The following CACNA2D3 variants were observed in gnomAD, a reference collection of about 807,000 sequenced individuals.
CACNA2D3 encodes calcium voltage-gated channel auxiliary subunit alpha2delta 3, also known as voltage-dependent calcium channel subunit alpha-2/delta-3.
Under a neutral mutation model 160.6 loss-of-function variants are expected in CACNA2D3, and 60 were observed. That is an observed-to-expected ratio of 0.37 (90% CI 0.30 to 0.46). The LOEUF is 0.46. Among genes scored for constraint, CACNA2D3 ranks in the 20% least tolerant of loss-of-function variants. CACNA2D3 has a pLI of 1.00. For missense variants in CACNA2D3, 1,205 were observed against 1,365.0 expected (o/e 0.88, Z 1.85); for synonymous variants, 558 against 492.9 (o/e 1.13, Z -1.75).
At position 54,271,055 on chromosome 3, in the gene CACNA2D3, A is replaced by G. The variant is rs189295563; in HGVS notation, c.205-49387A>G. On this transcript the variant is annotated intron_variant, in intron 2 of 37. Coordinates refer to ENST00000474759, the MANE Select transcript of CACNA2D3 (RefSeq NM_018398.3). ...CATCTCATTTGCATTTTTAGAAGGA[A>G]TTATTTCTAAGTGACAGCTGGTGGT... Among the ~76,000 whole-genome samples the G allele has an allele frequency of 9.8e-5, 15 of 152,292 alleles. 1 individual carries two copies. The highest frequency in any genetic ancestry group is 3.1e-4 in the African/African-American group (13 of 41,570).
intron 5 of CACNA2D3, among the ~76,000 whole-genome samples, chr3:54,530,642 T>C (rs536576502): frequency 2.0e-5 from 3 of 152,322 alleles, no homozygotes; most frequent in African/African-American, 7.2e-5. Context: ...TTAAATATAT[T>C]ATCTCCTTCA....
intron 2 of CACNA2D3, among the ~76,000 whole-genome samples, chr3:54,168,936 G>A (rs928933189): frequency 2.0e-5 from 3 of 152,210 alleles, no homozygotes; most frequent in African/African-American, 2.4e-5. Flanking sequence ...GCACTGGCCT[G>A]AAATTCCCTT....
At chr3:54,645,381 G>C (rs918942497) in intron 11 of CACNA2D3, among the ~76,000 whole-genome samples, 2 of 152,182 alleles carry the variant, frequency 1.3e-5, no homozygotes, top group South Asian at 2.1e-4. Flanking sequence ...AAACCATATC[G>C]TTATTCTATA....
chr3:54,409,470 A>G (rs1699630532), intron 4 of CACNA2D3, among the ~76,000 whole-genome samples: 1 of 152,154 alleles, frequency 6.6e-6, no homozygotes, highest in African/African-American at 2.4e-5. Context: ...CCAATTAATA[A>G]CCCTACAGTG....
chr3:54,503,112 T>C (rs1701318904), intron 4 of CACNA2D3, among the ~76,000 whole-genome samples: 1 of 152,224 alleles, frequency 6.6e-6, no homozygotes, highest in African/African-American at 2.4e-5. Flanking sequence ...TGATCTGACG[T>C]ATATTTGCCT....
At chr3:54,472,201 G>A (rs755398297) in intron 4 of CACNA2D3, among the ~76,000 whole-genome samples, 9 of 152,162 alleles carry the variant, frequency 5.9e-5, no homozygotes, top group Admixed American at 1.3e-4. Context: ...TGTCCAACAC[G>A]ATCAAGTTGG....
chr3:54,254,238 G>A (rs1377201024), intron 2 of CACNA2D3, among the ~76,000 whole-genome samples: 101 of 152,286 alleles, frequency 6.6e-4, no homozygotes, highest in Non-Finnish European at 1.2e-4. Context: ...TGCCAGTGGT[G>A]AGTTTGATCT....
intron 4 of CACNA2D3, among the ~76,000 whole-genome samples, chr3:54,432,531 C>T (rs533575826): frequency 3.3e-5 from 5 of 151,726 alleles, no homozygotes; most frequent in Non-Finnish European, 7.4e-5. Context: ...ATTTTTTTTC[C>T]CTTGAAAGCA....
chr3:54,888,765 G>T (rs188632037), intron 24 of CACNA2D3, among the ~76,000 whole-genome samples: 1 of 151,062 alleles, frequency 6.6e-6, no homozygotes, highest in East Asian at 1.9e-4. Flanking sequence ...TTCCCTCATT[G>T]TATCTTCCCT....
chr3:54,766,228 G>A (rs1205213763), intron 13 of CACNA2D3, among the ~76,000 whole-genome samples: 3 of 151,964 alleles, frequency 2.0e-5, no homozygotes, highest in Admixed American at 6.6e-5. Flanking sequence ...GTGACACATA[G>A]TACACATGAA....
intron 11 of CACNA2D3, among the ~76,000 whole-genome samples, chr3:54,713,306 C>T (rs146652494): frequency 6.6e-6 from 1 of 152,264 alleles, no homozygotes; most frequent in Non-Finnish European, 1.5e-5. Context: ...GGTCTGAGCT[C>T]TCTTTGGAAT....
intron 2 of CACNA2D3, among the ~76,000 whole-genome samples, chr3:54,131,227 A>G (rs1281631961): frequency 6.6e-6 from 1 of 152,232 alleles, no homozygotes; most frequent in African/African-American, 2.4e-5. Flanking sequence ...ATGTAGGCAG[A>G]TGATCCCCAG....
chr3:54,910,037 C>T (rs1158616754), intron 27 of CACNA2D3, among the ~76,000 whole-genome samples: 2 of 152,098 alleles, frequency 1.3e-5, no homozygotes, highest in African/African-American at 4.8e-5. Context: ...CCCAATGTCT[C>T]CCAAAGTTTG....
At chr3:54,412,125 T>G (rs981084661) in intron 4 of CACNA2D3, among the ~76,000 whole-genome samples, 1 of 152,206 alleles carries the variant, frequency 6.6e-6, no homozygotes, top group African/African-American at 2.4e-5. Flanking sequence ...TCTGGTTTCT[T>G]TTATTGATCA....
At chr3:54,191,002 A>G (rs911514357) in intron 2 of CACNA2D3, among the ~76,000 whole-genome samples, 2 of 151,206 alleles carry the variant, frequency 1.3e-5, no homozygotes, top group Non-Finnish European at 2.9e-5. Flanking sequence ...AGAACCTGCC[A>G]TCATATATGG....
At chr3:54,653,358 T>C (rs1699812577) in intron 11 of CACNA2D3, among the ~76,000 whole-genome samples, 1 of 152,192 alleles carries the variant, frequency 6.6e-6, no homozygotes, top group South Asian at 2.1e-4. Context: ...TTCCCTCCTT[T>C]CCTCTTTCTC....
intron 9 of CACNA2D3, among the ~76,000 whole-genome samples, chr3:54,618,376 C>CATATATATAT (rs1698907277): frequency 1.3e-4 from 2 of 15,722 alleles, no homozygotes; most frequent in Non-Finnish European, 2.0e-4. Context: ...TATATATATG[C>CATATATATAT]ACACACACAC....
At chr3:54,720,401 C>G (rs540021476) in intron 11 of CACNA2D3, among the ~76,000 whole-genome samples, 52 of 152,080 alleles carry the variant, frequency 3.4e-4, no homozygotes, top group Middle Eastern at 3.4e-3. Flanking sequence ...AATTTGAATA[C>G]CAAATTTTCT....
At chr3:55,015,844 T>A (rs1415222987) in intron 34 of CACNA2D3, among the ~76,000 whole-genome samples, 3 of 152,176 alleles carry the variant, frequency 2.0e-5, no homozygotes, top group Non-Finnish European at 4.4e-5. Context: ...ATGTCCTTCT[T>A]ACAAAACAGA....
Sources: gnomAD v4.1 joint callset for allele counts (sites outside exome capture counted in the v4.1 genomes callset) on GRCh38, gnomAD v4.1.1 for gene constraint, MANE v1.5 for transcripts, NCBI Gene and HGNC (gene_info 2026-07-23, HGNC 2026-07-21) for gene names.